Variants in RPGRIP1L observed in about 807,000 individuals in gnomAD.
The protein encoded by RPGRIP1L is RPGRIP1 like, also known as protein fantom.
In RPGRIP1L, 131 loss-of-function variants were observed where a neutral mutation model predicts 160.4. The observed-to-expected ratio is 0.82, with a 90% CI of 0.71 to 0.94. The LOEUF is 0.94. Ranked by LOEUF, RPGRIP1L falls within the 40% of genes least tolerant of loss-of-function variation. RPGRIP1L has a pLI of 0.00. For synonymous variants in RPGRIP1L, 510 were observed against 515.8 expected, an observed-to-expected ratio of 0.99 and a Z score of 0.15; for missense variants, 1,522 against 1,535.8, an observed-to-expected ratio of 0.99 and a Z score of 0.15.
intron 17 of RPGRIP1L, among the ~76,000 whole-genome samples, chr16:53,645,217 C>T (rs1029698377): frequency 1.3e-5 from 2 of 151,968 alleles, no homozygotes; most frequent in African/African-American, 4.8e-5. Flanking sequence ...CTCTTAACCT[C>T]TTTAAAGAAT....
At chr16:53,637,598 G>T in intron 21 of RPGRIP1L, 97 bp downstream of exon 21, 2 of 1,071,832 alleles carry the variant, frequency 1.9e-6, no homozygotes, top group Non-Finnish European at 2.8e-6. Context: ...TGAAGTAGAC[G>T]CTACCATTAA....
At chr16:53,698,667 TG>T (rs1471025139) in intron 2 of RPGRIP1L, among the ~76,000 whole-genome samples, 1 of 86,104 alleles carries the variant, frequency 1.2e-5, no homozygotes, top group South Asian at 4.3e-4. Flanking sequence ...GGGAGGGAGG[TG>T]GGGGGGTCAG....
intron 6 of RPGRIP1L, among the ~76,000 whole-genome samples, chr16:53,686,183 C>G (rs1391794029): frequency 2.6e-5 from 4 of 152,068 alleles, no homozygotes; most frequent in Non-Finnish European, 5.9e-5. Context: ...GGTAAATGAA[C>G]ATAGAAAACA....
chr16:53,649,751 T>C (rs534968216), intron 15 of RPGRIP1L, among the ~76,000 whole-genome samples: 2 of 152,218 alleles, frequency 1.3e-5, no homozygotes, highest in South Asian at 4.1e-4. Context: ...CCCAGGAGAG[T>C]AGAGCCCTGT....
Position 53,672,897 on chromosome 16 carries a change from C to T in RPGRIP1L, c.1002G>A (p.Met334Ile), listed in dbSNP as rs1294823376. ...CTTCTATTCTTCTTTCAGAAAACTT[C>T]ATAGAATGTAATTGTTTCTCAAGAC... is the stretch of plus-strand genomic sequence containing the variant. Reference protein sequence around the residue: ...CCSLEKQLHSMKFSERRIEEL... With the variant: ...CCSLEKQLHSIKFSERRIEEL... The change falls in exon 8 of 27, where the codon ATG (methionine) becomes ATA (isoleucine). Residue 334 changes from methionine to isoleucine, a missense_variant. Physicochemically the swap from Met to Ile is conservative, Grantham distance 10 (BLOSUM62 1). Coordinates refer to ENST00000647211, the MANE Select transcript of RPGRIP1L (RefSeq NM_015272.5). The T allele has an allele frequency of 9.9e-6, 16 of 1,612,942 alleles. No homozygotes were observed. The highest frequency in any genetic ancestry group is 1.4e-5 in the Non-Finnish European group (16 of 1,179,426).
chr16:53,625,479 G>GC (rs1555593189), intron 22 of RPGRIP1L, among the ~76,000 whole-genome samples: 1 of 146,526 alleles, frequency 6.8e-6, no homozygotes, highest in Non-Finnish European at 1.5e-5. Context: ...GGGGGCTGGG[G>GC]GGGGCGCGCC....
At chr16:53,617,087 A>AAAAAAAAAAAC (rs1236365869) in intron 24 of RPGRIP1L, among the ~76,000 whole-genome samples, 1 of 148,128 alleles carries the variant, frequency 6.8e-6, no homozygotes, top group African/African-American at 2.5e-5. Context: ...AAAAAAAAAA[A>AAAAAAAAAAAC]AAAAAAAAAA....
At chr16:53,630,325 A>G (rs1364213758) in intron 22 of RPGRIP1L, among the ~76,000 whole-genome samples, 1 of 152,188 alleles carries the variant, frequency 6.6e-6, no homozygotes, top group Non-Finnish European at 1.5e-5. Flanking sequence ...TGTTAGGATT[A>G]CAGCTGTCAG....
At position 53,656,550 on chromosome 16, in the gene RPGRIP1L, G is replaced by T. The variant is rs1397929380; in HGVS notation, c.1621C>A (p.Gln541Lys). ...EAVTRKMENLQQDYELKVEQY... is the reference protein window; with the variant it reads ...EAVTRKMENLKQDYELKVEQY... ...TCCACTTTGAGTTCATAATCTTGCT[G>T]CAAATTTTCCATCTTACGGGTCACT... The change falls in exon 14 of 27, where the codon CAG becomes AAG. Residue 541 changes from glutamine (Q) to lysine (K), a missense_variant. Gln to Lys is a moderately conservative substitution (Grantham distance 53). Coordinates refer to ENST00000647211, the MANE Select transcript of RPGRIP1L (RefSeq NM_015272.5). The T allele has an allele frequency of 6.2e-7, 1 of 1,613,770 alleles. No homozygotes were observed. The highest frequency in any genetic ancestry group is 1.7e-5 in the Admixed American group (1 of 59,984).
Position 53,656,588 on chromosome 16 carries a change from A to T in RPGRIP1L, c.1583T>A (p.Met528Lys), listed in dbSNP as rs1567846425. 1 of 1,595,926 alleles carries T rather than the reference A, an allele frequency of 6.3e-7. No individual in the cohort carries two copies. The highest frequency in any genetic ancestry group is 8.6e-7 in the Non-Finnish European group (1 of 1,163,436). Residue 528 changes from methionine to lysine, a missense_variant and splice_region_variant, in exon 14 of 27, where the codon ATG (methionine) becomes AAG (lysine). Met to Lys is a moderately conservative substitution (Grantham distance 95). Coordinates refer to ENST00000647211, the MANE Select transcript of RPGRIP1L (RefSeq NM_015272.5). The stretch of plus-strand genomic sequence containing the variant: ...CTTACGGGTCACTGCCTCAACCTCC[A>T]TCTACAAAATAAGGGAAAATAAGTT... ...MQHKINKDYQ[M>K]EVEAVTRKME... is the part of the protein sequence containing the mutation.
At chr16:53,613,708 T>C (rs1162939209) in intron 24 of RPGRIP1L, among the ~76,000 whole-genome samples, 2 of 152,256 alleles carry the variant, frequency 1.3e-5, no homozygotes, top group East Asian at 3.8e-4. Context: ...TTCTGCTTTA[T>C]CGAGTTGGCC....
chr16:53,682,394 T>C (rs888011218), intron 6 of RPGRIP1L, among the ~76,000 whole-genome samples: 21 of 152,194 alleles, frequency 1.4e-4, no homozygotes, highest in African/African-American at 5.1e-4. Flanking sequence ...TTGGTGTCTC[T>C]TGTTGGTAAT....
intron 22 of RPGRIP1L, among the ~76,000 whole-genome samples, chr16:53,625,387 C>A (rs1598262565): frequency 7.2e-6 from 1 of 138,460 alleles, no homozygotes; most frequent in Non-Finnish European, 1.6e-5. Context: ...CGTCTGGGAA[C>A]TGGGGGGGGC....
chr16:53,641,249 A>G (rs962251117), intron 18 of RPGRIP1L, 36 bp downstream of exon 18: 5 of 1,593,568 alleles, frequency 3.1e-6, no homozygotes, highest in Non-Finnish European at 2.6e-6. Context: ...TCAAAATTTT[A>G]TACTTGTAAA....
At chr16:53,616,597 C>T (rs183474088) in intron 24 of RPGRIP1L, among the ~76,000 whole-genome samples, 1 of 152,144 alleles carries the variant, frequency 6.6e-6, no homozygotes, top group African/African-American at 2.4e-5. Context: ...TCTACACAGT[C>T]AAATTTCATT....
chr16:53,670,824 G>A (rs547864270), intron 9 of RPGRIP1L, among the ~76,000 whole-genome samples: 1 of 152,196 alleles, frequency 6.6e-6, no homozygotes. Context: ...GCTGGGCGCA[G>A]TGGCTCACCC....
chr16:53,602,240 T>C (rs1963414862), intron 26 of RPGRIP1L, 52 bp from the exon 27 acceptor site: 1 of 1,267,048 alleles, frequency 7.9e-7, no homozygotes, highest in Non-Finnish European at 1.2e-6. Flanking sequence ...GATTTTTCTT[T>C]GGAAAGGCTC....
chr16:53,616,081 T>C (rs1219204959), intron 24 of RPGRIP1L, among the ~76,000 whole-genome samples: 1 of 152,208 alleles, frequency 6.6e-6, no homozygotes. Context: ...GGTAAAATCA[T>C]TGCTAGGTTC....
chr16:53,632,236 G>GTA (rs1339053957), intron 22 of RPGRIP1L, among the ~76,000 whole-genome samples: 1 of 152,154 alleles, frequency 6.6e-6, no homozygotes, highest in African/African-American at 2.4e-5. Flanking sequence ...TGCTTACACA[G>GTA]TATATCAGAT....
Sources: gnomAD v4.1 joint callset for allele counts (sites outside exome capture counted in the v4.1 genomes callset) on GRCh38, gnomAD v4.1.1 for gene constraint, MANE v1.5 for transcripts, NCBI Gene and HGNC (gene_info 2026-07-23, HGNC 2026-07-21) for gene names.